ERBB4: variants seen among roughly 807,000 people sequenced by gnomAD.
ERBB4 encodes receptor tyrosine-protein kinase erbB-4.
Under a neutral mutation model 158.0 loss-of-function variants are expected in ERBB4, and 42 were observed. That is an observed-to-expected ratio of 0.27 (90% CI 0.21 to 0.34). ERBB4 has a LOEUF of 0.34. Ranked by LOEUF, ERBB4 falls within the 10% of genes least tolerant of loss-of-function variation. The pLI, the probability that ERBB4 is intolerant of heterozygous loss-of-function variation, is 1.00. For synonymous variants in ERBB4, 583 were observed against 558.7 expected, an observed-to-expected ratio of 1.04 and a Z score of -0.61; for missense variants, 1,333 against 1,624.1, an observed-to-expected ratio of 0.82 and a Z score of 3.08.
At chr2:211,598,512 T>C (rs981625298) in intron 19 of ERBB4, among the ~76,000 whole-genome samples, 1 of 152,240 alleles carries the variant, frequency 6.6e-6, no homozygotes, top group Non-Finnish European at 1.5e-5. Flanking sequence ...TATGTTAAAC[T>C]GGGGTATGTT....
chr2:211,418,406 A>G (rs1380626488), intron 25 of ERBB4, among the ~76,000 whole-genome samples: 1 of 152,162 alleles, frequency 6.6e-6, no homozygotes, highest in African/African-American at 2.4e-5. Flanking sequence ...ATACAATGAT[A>G]TTTAATCACC....
chr2:212,057,287 T>C (rs1375143228), intron 2 of ERBB4, among the ~76,000 whole-genome samples: 1 of 152,150 alleles, frequency 6.6e-6, no homozygotes, highest in African/African-American at 2.4e-5. Flanking sequence ...AAGCAAGTCC[T>C]TACAGACCTA....
chr2:212,439,775 T>C (rs932015921), intron 1 of ERBB4, among the ~76,000 whole-genome samples: 2 of 152,156 alleles, frequency 1.3e-5, no homozygotes, highest in Non-Finnish European at 2.9e-5. Flanking sequence ...AAGATGCAGG[T>C]TGTCATTCCA....
chr2:212,290,624 C>T (rs779606805), intron 1 of ERBB4, among the ~76,000 whole-genome samples: 3 of 151,990 alleles, frequency 2.0e-5, no homozygotes, highest in African/African-American at 7.2e-5. Context: ...GGCCAATAAT[C>T]GCTAAGTCAC....
chr2:211,860,429 A>G (rs1001580462), intron 3 of ERBB4, among the ~76,000 whole-genome samples: 3 of 152,184 alleles, frequency 2.0e-5, no homozygotes, highest in Non-Finnish European at 4.4e-5. Context: ...GTCAAATTTT[A>G]GATTAAAAAC....
At chr2:211,705,076 C>A (rs2073388120) in intron 10 of ERBB4, among the ~76,000 whole-genome samples, 1 of 152,090 alleles carries the variant, frequency 6.6e-6, no homozygotes, top group Non-Finnish European at 1.5e-5. Flanking sequence ...CCTGCCTCAG[C>A]CTCCTGAGCA....
At chr2:212,188,208 C>G (rs2082074479) in intron 1 of ERBB4, among the ~76,000 whole-genome samples, 1 of 29,302 alleles carries the variant, frequency 3.4e-5, no homozygotes, top group Non-Finnish European at 7.2e-5. Context: ...CTCTCTCTCT[C>G]TCTCTCTCTC....
intron 19 of ERBB4, among the ~76,000 whole-genome samples, chr2:211,595,452 T>C (rs2068601763): frequency 1.3e-5 from 2 of 152,126 alleles, no homozygotes; most frequent in Admixed American, 1.3e-4. Context: ...ATATGTGGTC[T>C]GAGATATACC....
chr2:212,466,205 T>C (rs1688825297), intron 1 of ERBB4, among the ~76,000 whole-genome samples: 1 of 152,222 alleles, frequency 6.6e-6, no homozygotes, highest in African/African-American at 2.4e-5. Context: ...AAACATAAAA[T>C]TACTGTTGAC....
chr2:211,961,077 A>T (rs993003038), intron 2 of ERBB4, among the ~76,000 whole-genome samples: 2 of 152,228 alleles, frequency 1.3e-5, no homozygotes, highest in African/African-American at 4.8e-5. Flanking sequence ...ATTTATTTTT[A>T]AAAATTGGAG....
intron 1 of ERBB4, among the ~76,000 whole-genome samples, chr2:212,149,801 T>G (rs936878123): frequency 1.7e-4 from 26 of 152,192 alleles, no homozygotes; most frequent in African/African-American, 4.3e-4. Context: ...TTCTCTATTT[T>G]GTGGAGTAGA....
chr2:212,317,197 A>T (rs1305491501), intron 1 of ERBB4, among the ~76,000 whole-genome samples: 2 of 151,536 alleles, frequency 1.3e-5, no homozygotes, highest in Non-Finnish European at 3.0e-5. Context: ...ATAGAAAATC[A>T]GCATTTGCAA....
intron 1 of ERBB4, among the ~76,000 whole-genome samples, chr2:212,177,993 T>C (rs1219519418): frequency 6.0e-5 from 9 of 150,720 alleles, no homozygotes; most frequent in African/African-American, 2.0e-4. Context: ...GGGAAGAGGG[T>C]TGTTCATGGA....
intron 1 of ERBB4, among the ~76,000 whole-genome samples, chr2:212,312,630 T>C (rs1574656823): frequency 1.3e-5 from 2 of 151,100 alleles, no homozygotes; most frequent in East Asian, 2.0e-4. Context: ...TAAAAATTAA[T>C]ATAGAATCCA....
intron 1 of ERBB4, among the ~76,000 whole-genome samples, chr2:212,134,053 C>T (rs1434756286): frequency 6.6e-6 from 1 of 152,044 alleles, no homozygotes; most frequent in Non-Finnish European, 1.5e-5. Context: ...TATCTTTTTT[C>T]TAACCCTCAT....
At chr2:211,997,163 T>C (rs1229025114) in intron 2 of ERBB4, among the ~76,000 whole-genome samples, 1 of 152,164 alleles carries the variant, frequency 6.6e-6, no homozygotes, top group Non-Finnish European at 1.5e-5. Flanking sequence ...ACTGCAAATG[T>C]AGATGAGTGT....
At chr2:212,055,715 G>C (rs533112677) in intron 2 of ERBB4, among the ~76,000 whole-genome samples, 1 of 152,254 alleles carries the variant, frequency 6.6e-6, no homozygotes, top group South Asian at 2.1e-4. Context: ...GCAGCTGAGG[G>C]TCCTGACTGT....
intron 20 of ERBB4, among the ~76,000 whole-genome samples, chr2:211,505,447 T>C (rs62178818): frequency 0.17 from 25,365 of 151,616 alleles, 3,734 homozygotes; most frequent in African/African-American, 0.4. Context: ...CAACAACTTA[T>C]GTTCAAAGGA....
intron 12 of ERBB4, among the ~76,000 whole-genome samples, chr2:211,692,609 G>T (rs1201521655): frequency 6.6e-6 from 1 of 152,164 alleles, no homozygotes; most frequent in Non-Finnish European, 1.5e-5. Flanking sequence ...GCGTTGGCTT[G>T]CAGTGACATT....
Sources: allele counts gnomAD v4.1 joint callset (sites outside exome capture counted in the v4.1 genomes callset), GRCh38; gene constraint gnomAD v4.1.1; transcripts MANE v1.5; gene names NCBI Gene and HGNC (gene_info 2026-07-23, HGNC 2026-07-21).